THADA: variants seen among roughly 807,000 people sequenced by gnomAD.
THADA encodes the protein THADA armadillo repeat containing, also known as tRNA (32-2'-O)-methyltransferase regulator THADA.
THADA carries 213 observed loss-of-function variants against 219.8 expected under a neutral mutation model. The observed-to-expected ratio is 0.97, with a 90% CI of 0.87 to 1.09. The LOEUF (loss-of-function observed/expected upper bound fraction) is 1.09. THADA is among the 50% of genes least tolerant of loss of function. The pLI is 0.00. For synonymous variants in THADA, 1,018 were observed against 828.9 expected, an observed-to-expected ratio of 1.23 and a Z score of -3.92; for missense variants, 2,956 against 2,311.3, an observed-to-expected ratio of 1.28 and a Z score of -5.72.
intron 29 of THADA, among the ~76,000 whole-genome samples, chr2:43,394,330 C>A (rs1353523340): frequency 6.6e-6 from 1 of 152,112 alleles, no homozygotes; most frequent in African/African-American, 2.4e-5. Flanking sequence ...ATTCAGAGAT[C>A]AGCATATTTC....
At chr2:43,587,382 A>G (rs1701135948) in intron 4 of THADA, among the ~76,000 whole-genome samples, 2 of 152,124 alleles carry the variant, frequency 1.3e-5, no homozygotes, top group Admixed American at 1.3e-4. Context: ...TCCTGACCTC[A>G]TCTTTATTTA....
At chr2:43,384,322 AG>A (rs536705810) in intron 29 of THADA, among the ~76,000 whole-genome samples, 69 of 152,040 alleles carry the variant, frequency 4.5e-4, no homozygotes, top group Non-Finnish European at 8.2e-4. Context: ...GGGAGGGGCG[AG>A]GGGTGTGAGT....
chr2:43,380,373 C>G (rs945614161), intron 29 of THADA, among the ~76,000 whole-genome samples: 3 of 152,136 alleles, frequency 2.0e-5, no homozygotes, highest in Admixed American at 1.3e-4. Context: ...TCTGAAACAT[C>G]TGTGCAACTA....
At position 43,570,426 on chromosome 2, in the gene THADA, T is replaced by A. The variant is rs370295558; in HGVS notation, c.2149A>T (p.Thr717Ser). 1 of 1,613,574 alleles carries A rather than the reference T, an allele frequency of 6.2e-7. No homozygotes were observed. Among genetic ancestry groups the A allele is most frequent in the Non-Finnish European group, 8.5e-7 (1 of 1,179,736 alleles). The stretch of plus-strand genomic sequence containing the variant: ...AAAGAAACAGAAGGGTGCTGTTTGG[T>A]TAACTCATTCTCTGGTTCACGTTTG... ...KSKREPENEL[T>S]KQHPSVSLQQ... Residue 717 changes from threonine (T) to serine (S), a missense_variant, in exon 14 of 38, where the codon ACC (threonine) becomes TCC (serine). Thr to Ser is a moderately conservative substitution (Grantham distance 58). Coordinates refer to ENST00000405975, the MANE Select transcript of THADA (RefSeq NM_022065.5).
chr2:43,536,735 T>C (rs1176267630), intron 21 of THADA, among the ~76,000 whole-genome samples: 1 of 152,256 alleles, frequency 6.6e-6, no homozygotes, highest in Middle Eastern at 3.4e-3. Context: ...AAATATATTT[T>C]AAATCTACCC....
intron 29 of THADA, among the ~76,000 whole-genome samples, chr2:43,372,612 G>GAACTCAT (rs2104626913): frequency 1.3e-5 from 2 of 152,164 alleles, no homozygotes; most frequent in East Asian, 3.9e-4. Context: ...CAACAGAGGG[G>GAACTCAT]GTTTCTACAA....
intron 31 of THADA, among the ~76,000 whole-genome samples, chr2:43,304,869 G>C (rs1302753787): frequency 1.3e-5 from 2 of 151,992 alleles, no homozygotes; most frequent in African/African-American, 2.4e-5. Flanking sequence ...ACAGGGTTTT[G>C]CCATGTTGGC....
intron 22 of THADA, among the ~76,000 whole-genome samples, chr2:43,519,807 C>CT: frequency 6.6e-6 from 1 of 152,276 alleles, no homozygotes; most frequent in South Asian, 2.1e-4. Context: ...AATTGACAAA[C>CT]CAGGTATAAA....
intron 31 of THADA, among the ~76,000 whole-genome samples, chr2:43,297,659 A>G (rs80223524): frequency 0.63 from 37,809 of 59,664 alleles, 13,331 homozygotes; most frequent in Middle Eastern, 0.79. Context: ...GCCTCTGCCC[A>G]GCCACCCCTA....
chr2:43,301,437 G>A (rs1416274233), intron 31 of THADA, among the ~76,000 whole-genome samples: 1 of 152,210 alleles, frequency 6.6e-6, no homozygotes, highest in Non-Finnish European at 1.5e-5. Context: ...TTCTGTTCTA[G>A]GTCTAGATGC....
chr2:43,547,658 C>A (rs569432028), intron 20 of THADA, among the ~76,000 whole-genome samples: 2 of 152,310 alleles, frequency 1.3e-5, no homozygotes, highest in South Asian at 4.1e-4. Flanking sequence ...TGGATTGCAT[C>A]GGCTCCTGAG....
chr2:43,276,247 T>G (rs1207512179), intron 36 of THADA, among the ~76,000 whole-genome samples: 1 of 152,216 alleles, frequency 6.6e-6, no homozygotes, highest in Non-Finnish European at 1.5e-5. Flanking sequence ...GAGAGGGTCC[T>G]GCAGCTGGGG....
At chr2:43,552,427 G>A (rs569053496) in intron 17 of THADA, 88 bp from the exon 18 acceptor site, 16 of 1,365,318 alleles carry the variant, frequency 1.2e-5, no homozygotes, top group South Asian at 1.0e-4. Flanking sequence ...CATTAATATG[G>A]CCAACTCAAA....
chr2:43,439,717 T>C (rs1352336151), intron 26 of THADA, among the ~76,000 whole-genome samples: 3 of 152,176 alleles, frequency 2.0e-5, no homozygotes, highest in African/African-American at 7.2e-5. Flanking sequence ...AAAAATATAG[T>C]GTATATACGG....
intron 29 of THADA, among the ~76,000 whole-genome samples, chr2:43,389,260 C>A (rs183098952): frequency 8.5e-5 from 13 of 152,302 alleles, no homozygotes; most frequent in Non-Finnish European, 1.6e-4. Context: ...ATGCTCCCAG[C>A]TTTTGTGTAC....
chr2:43,451,984 G>C (rs1170146209), intron 26 of THADA, among the ~76,000 whole-genome samples: 1 of 152,156 alleles, frequency 6.6e-6, no homozygotes, highest in Non-Finnish European at 1.5e-5. Flanking sequence ...GCGCATACCT[G>C]TAGTCCCAGC....
At position 43,293,035 on chromosome 2, in the gene THADA, C is replaced by T. The variant is rs776205123; in HGVS notation, c.4617G>A (p.Thr1539=). 17 of 1,613,940 alleles carry T rather than the reference C, an allele frequency of 1.1e-5. No individual in the cohort carries two copies. Among genetic ancestry groups the T allele is most frequent in the East Asian group, 4.5e-5 (2 of 44,880 alleles). The change falls in exon 32 of 38, where the codon ACG becomes ACA. Residue 1539 remains threonine (T), a synonymous_variant. Transcript: ENST00000405975. Reference sequence around the variant, plus strand: ...GCTGAGAGAAAGAGATGGGGACATTCGTCTCCCGCTCTCCACTCTTGGCTG... The same window carrying T: ...GCTGAGAGAAAGAGATGGGGACATTTGTCTCCCGCTCTCCACTCTTGGCTG... The part of the protein sequence containing the change: ...AAAAKSGERE[T]NVPISFSQLL...
chr2:43,502,069 ATG>A (rs1689063728), intron 24 of THADA, among the ~76,000 whole-genome samples: 1 of 152,220 alleles, frequency 6.6e-6, no homozygotes, highest in Non-Finnish European at 1.5e-5. Context: ...GAAGAAAAGG[ATG>A]TGTTATAACA....
chr2:43,576,097 GA>G (rs1453374775), intron 10 of THADA, among the ~76,000 whole-genome samples: 1 of 152,038 alleles, frequency 6.6e-6, no homozygotes. Context: ...AATTTTTAAA[GA>G]AAAAATATAG....
Sources: allele counts gnomAD v4.1 joint callset (sites outside exome capture counted in the v4.1 genomes callset), GRCh38; gene constraint gnomAD v4.1.1; transcripts MANE v1.5; gene names NCBI Gene and HGNC (gene_info 2026-07-23, HGNC 2026-07-21).